PLXNA4: variants seen among roughly 807,000 people sequenced by gnomAD.
PLXNA4 encodes plexin A4.
PLXNA4 carries 44 observed loss-of-function variants against 191.8 expected under a neutral mutation model. The ratio of observed to expected loss-of-function variants is 0.23; its 90% CI spans 0.18 to 0.29. The LOEUF is 0.29. Among genes scored for constraint, PLXNA4 ranks in the 10% least tolerant of loss-of-function variants. The pLI is 1.00. For missense variants in PLXNA4, 1,800 were observed against 2,488.8 expected (o/e 0.72, Z 5.89); for synonymous variants, 1,082 against 1,009.5 (o/e 1.07, Z -1.36).
intron 4 of PLXNA4, among the ~76,000 whole-genome samples, chr7:132,282,919 T>C (rs746305490): frequency 2.0e-5 from 3 of 152,132 alleles, no homozygotes; most frequent in Admixed American, 6.6e-5. Flanking sequence ...CTCTGTTACC[T>C]AGGCTGGAGT....
At chr7:132,426,172 C>T (rs1438936512) in intron 3 of PLXNA4, among the ~76,000 whole-genome samples, 16 of 152,162 alleles carry the variant, frequency 1.1e-4, no homozygotes, top group Admixed American at 1.3e-4. Context: ...TGCGGCCAAG[C>T]AAGAGAAGAT....
chr7:132,339,405 A>G (rs1802939208), intron 3 of PLXNA4, among the ~76,000 whole-genome samples: 1 of 152,328 alleles, frequency 6.6e-6, no homozygotes, highest in Non-Finnish European at 1.5e-5. Flanking sequence ...TGCAACTTAA[A>G]TTTAACACCA....
intron 9 of PLXNA4, among the ~76,000 whole-genome samples, chr7:132,218,554 ATTTGCT>A (rs1295572105): frequency 6.6e-6 from 1 of 152,190 alleles, no homozygotes; most frequent in Non-Finnish European, 1.5e-5. Flanking sequence ...TTGCCAATGG[ATTTGCT>A]TTTGCAAGGA....
chr7:132,601,611 A>G (rs1286313766), intron 2 of PLXNA4, among the ~76,000 whole-genome samples: 1 of 152,238 alleles, frequency 6.6e-6, no homozygotes, highest in East Asian at 1.9e-4. Flanking sequence ...ACATGACAGA[A>G]GAACAAGATA....
chr7:132,147,829 G>C (rs1795480711), intron 27 of PLXNA4, 71 bp downstream of exon 27: 2 of 1,602,464 alleles, frequency 1.2e-6, no homozygotes, highest in Non-Finnish European at 1.7e-6. Flanking sequence ...CTGCCTTCTG[G>C]CTATGCTGCT....
intron 14 of PLXNA4, among the ~76,000 whole-genome samples, chr7:132,188,992 AGGAGAG>A (rs1172495758): frequency 2.8e-5 from 1 of 35,770 alleles, no homozygotes; most frequent in Admixed American, 3.3e-4. Flanking sequence ...AGGAAAGGAA[AGGAGAG>A]AGAGAGAGAG....
At chr7:132,352,157 C>A (rs1803513924) in intron 3 of PLXNA4, among the ~76,000 whole-genome samples, 1 of 152,230 alleles carries the variant, frequency 6.6e-6, no homozygotes, top group Non-Finnish European at 1.5e-5. Context: ...CCCACTTCCC[C>A]TGCTGGCTGC....
intron 3 of PLXNA4, among the ~76,000 whole-genome samples, chr7:132,318,286 C>A (rs1349604143): frequency 6.6e-6 from 1 of 152,244 alleles, no homozygotes; most frequent in African/African-American, 2.4e-5. Context: ...CAGGGTCTGA[C>A]CCTCTGGCAG....
intron 4 of PLXNA4, among the ~76,000 whole-genome samples, chr7:132,275,206 T>A (rs1800226482): frequency 6.6e-6 from 1 of 152,182 alleles, no homozygotes; most frequent in African/African-American, 2.4e-5. Flanking sequence ...GATTTTGTCT[T>A]CTAATTGTTT....
At chr7:132,510,887 GAGA>G (rs1341884445) in intron 1 of PLXNA4, among the ~76,000 whole-genome samples, 1 of 152,362 alleles carries the variant, frequency 6.6e-6, no homozygotes, top group East Asian at 1.9e-4. Flanking sequence ...GCTGAAAAGA[GAGA>G]GCTTCAGCCT....
At chr7:132,182,058 A>G (rs3734985) in intron 17 of PLXNA4, 39 bp downstream of exon 17, 187,104 of 1,613,454 alleles carry the variant, frequency 0.12, 15,399 homozygotes, top group East Asian at 0.38. Context: ...AACGTGTTGC[A>G]TGGGCAGCCT....
intron 2 of PLXNA4, among the ~76,000 whole-genome samples, chr7:132,609,449 G>A (rs956471540): frequency 6.6e-6 from 1 of 152,166 alleles, no homozygotes; most frequent in African/African-American, 2.4e-5. Context: ...ATGTCCTGGA[G>A]TGATGGGGAA....
intron 3 of PLXNA4, among the ~76,000 whole-genome samples, chr7:132,342,247 G>C (rs1360611377): frequency 2.0e-5 from 3 of 147,186 alleles, no homozygotes; most frequent in Admixed American, 1.4e-4. Context: ...TAAAGAAAAA[G>C]GCAACTAGAT....
chr7:132,185,326 C>T lies in PLXNA4; in HGVS notation c.3131G>A (p.Arg1044Gln), dbSNP rs768648880. ...GACAATGCTCCATTCTGGCTCAATC[C>T]GCACGATGGTGGGGTCTTCCACATA... The part of the protein sequence containing the change: ...FQYVEDPTIV[R>Q]IEPEWSIVSG... The change falls in exon 16 of 32, where the codon CGG (arginine) becomes CAG (glutamine). Residue 1044 changes from arginine (R) to glutamine (Q), a missense_variant. Around this residue, in one of 6 missense-constraint regions of PLXNA4, gnomAD observed 1,397 missense variants for 1,880.4 expected, o/e 0.74. Coordinates refer to ENST00000321063, the MANE Select transcript of PLXNA4 (RefSeq NM_020911.2). The T allele has an allele frequency of 1.5e-5, 24 of 1,613,662 alleles. No homozygotes were observed. Among genetic ancestry groups the T allele is most frequent in the South Asian group, 6.6e-5 (6 of 91,002 alleles).
chr7:132,454,082 C>T (rs922012741), intron 3 of PLXNA4, among the ~76,000 whole-genome samples: 1 of 152,182 alleles, frequency 6.6e-6, no homozygotes, highest in Non-Finnish European at 1.5e-5. Context: ...TCTGTCATCA[C>T]CACACTTTCC....
chr7:132,320,408 C>G (rs540779319), intron 3 of PLXNA4, among the ~76,000 whole-genome samples: 1 of 152,330 alleles, frequency 6.6e-6, no homozygotes, highest in South Asian at 2.1e-4. Flanking sequence ...TCTTTTCTCT[C>G]ATGAAGTCAC....
At chr7:132,447,970 C>T (rs746649088) in intron 3 of PLXNA4, among the ~76,000 whole-genome samples, 14 of 152,092 alleles carry the variant, frequency 9.2e-5, no homozygotes, top group South Asian at 4.2e-4. Flanking sequence ...AAGATGATGG[C>T]GCTGCACTCC....
At chr7:132,291,498 A>T (rs1185661467) in intron 4 of PLXNA4, among the ~76,000 whole-genome samples, 1 of 152,208 alleles carries the variant, frequency 6.6e-6, no homozygotes, top group African/African-American at 2.4e-5. Context: ...GGTATCCTAG[A>T]AGAATGCTTG....
At chr7:132,547,639 G>A (rs181096157) in intron 1 of PLXNA4, among the ~76,000 whole-genome samples, 1 of 152,056 alleles carries the variant, frequency 6.6e-6, no homozygotes, top group African/African-American at 2.4e-5. Context: ...CTGGCCTACT[G>A]TACAGAAGAA....
Sources: gnomAD v4.1 joint callset for allele counts (sites outside exome capture counted in the v4.1 genomes callset) on GRCh38, gnomAD v4.1.1 for gene constraint, gnomAD v4.1.1 regional missense constraint, MANE v1.5 for transcripts, NCBI Gene and HGNC (gene_info 2026-07-23, HGNC 2026-07-21) for gene names.